CCDC102B: variants seen among roughly 807,000 people sequenced by gnomAD.
The protein encoded by CCDC102B is coiled-coil domain-containing protein 102B.
In CCDC102B, 75 loss-of-function variants were observed where a neutral mutation model predicts 57.4. That is an observed-to-expected ratio of 1.31 (90% CI 1.08 to 1.58). The LOEUF (loss-of-function observed/expected upper bound fraction) is 1.58, where lower values mean the gene tolerates loss of function less well. Ranked by LOEUF, CCDC102B falls within the 40% of genes most tolerant of loss-of-function variation. CCDC102B has a pLI of 0.00. For missense variants in CCDC102B, 636 were observed against 582.6 expected (o/e 1.09, Z -0.94); for synonymous variants, 206 against 201.9 (o/e 1.02, Z -0.17).
intron 1 of CCDC102B, among the ~76,000 whole-genome samples, chr18:68,831,531 A>G (rs1242613565): frequency 6.6e-6 from 1 of 152,150 alleles, no homozygotes; most frequent in Non-Finnish European, 1.5e-5. Flanking sequence ...TAAAATATCT[A>G]AGCTTTAAAT....
intron 5 of CCDC102B, among the ~76,000 whole-genome samples, chr18:68,882,959 G>A (rs1054706415): frequency 1.3e-5 from 2 of 152,122 alleles, no homozygotes; most frequent in Admixed American, 6.5e-5. Flanking sequence ...ACACGTAGAG[G>A]GGAACAACAC....
At chr18:68,924,806 T>C (rs1368524943) in intron 6 of CCDC102B, among the ~76,000 whole-genome samples, 3 of 152,110 alleles carry the variant, frequency 2.0e-5, no homozygotes, top group Admixed American at 2.0e-4. Context: ...AATTATCCTC[T>C]TGATCCCTTT....
At chr18:68,997,108 C>G (rs2051049156) in intron 6 of CCDC102B, among the ~76,000 whole-genome samples, 1 of 152,122 alleles carries the variant, frequency 6.6e-6, no homozygotes, top group Non-Finnish European at 1.5e-5. Flanking sequence ...TGCCTTGCTT[C>G]CCCTTTGCCT....
chr18:69,011,571 A>T (rs1312971488), intron 7 of CCDC102B, among the ~76,000 whole-genome samples: 1 of 151,896 alleles, frequency 6.6e-6, no homozygotes, highest in African/African-American at 2.4e-5. Flanking sequence ...TTTATAGAAT[A>T]TTTTAGAAAT....
chr18:68,834,454 T>TATATATATATATATATATATATATA (rs1568275774), intron 1 of CCDC102B, among the ~76,000 whole-genome samples: 5 of 146,884 alleles, frequency 3.4e-5, no homozygotes, highest in African/African-American at 7.4e-5. Context: ...TATATATATA[T>TATATATATATATATATATATATATA]TTGCTGTGTT....
In CCDC102B at chr18:68,856,922, A is replaced by T. The variant is rs28698770; in HGVS notation, c.936+10501A>T. On this transcript the variant is annotated intron_variant, in intron 4 of 7. Coordinates refer to ENST00000360242, the MANE Select transcript of CCDC102B (RefSeq NM_024781.3). The stretch of plus-strand genomic sequence containing the variant: ...TGCATGAATGCACACATTTATACTC[A>T]CACTTATACAGCATACACACACATA... 9.6e-3 allele frequency among the ~76,000 whole-genome samples: 1,419 copies of T among 147,558 alleles called. 27 individuals are homozygous for T. Among genetic ancestry groups the T allele is most frequent in the African/African-American group, 0.034 (1,344 of 39,940 alleles).
chr18:69,018,051 G>A (rs936069910), intron 7 of CCDC102B, among the ~76,000 whole-genome samples: 1 of 152,032 alleles, frequency 6.6e-6, no homozygotes, highest in African/African-American at 2.4e-5. Flanking sequence ...GTGTGTATGT[G>A]TATGTCACAA....
intron 6 of CCDC102B, among the ~76,000 whole-genome samples, chr18:69,005,818 A>G (rs2051325801): frequency 1.3e-5 from 2 of 151,596 alleles, no homozygotes; most frequent in South Asian, 2.1e-4. Flanking sequence ...GTATATATAT[A>G]TATGCAAACA....
At chr18:68,787,399 A>G (rs2035253805) in intron 2 of CCDC102B, among the ~76,000 whole-genome samples, 1 of 151,284 alleles carries the variant, frequency 6.6e-6, no homozygotes, top group Non-Finnish European at 1.5e-5. Flanking sequence ...TTTCAGAAGG[A>G]ATGGTCCCAG....
At chr18:69,029,131 G>T (rs1262058001) in intron 7 of CCDC102B, among the ~76,000 whole-genome samples, 1 of 152,146 alleles carries the variant, frequency 6.6e-6, no homozygotes, top group African/African-American at 2.4e-5. Context: ...ATGTTGTAAA[G>T]AAAGAGTAAT....
At chr18:69,022,492 A>G (rs1599861609) in intron 7 of CCDC102B, among the ~76,000 whole-genome samples, 1 of 152,080 alleles carries the variant, frequency 6.6e-6, no homozygotes, top group African/African-American at 2.4e-5. Context: ...AGACCTCATT[A>G]TATTAGAAAA....
At chr18:69,007,103 C>A (rs1449113289) in intron 6 of CCDC102B, among the ~76,000 whole-genome samples, 1 of 152,110 alleles carries the variant, frequency 6.6e-6, no homozygotes, top group Non-Finnish European at 1.5e-5. Flanking sequence ...TCACTTTAAG[C>A]TGATATTTTA....
At chr18:68,915,382 C>A (rs2041034344) in intron 6 of CCDC102B, among the ~76,000 whole-genome samples, 1 of 152,110 alleles carries the variant, frequency 6.6e-6, no homozygotes. Context: ...CCTACCTTGC[C>A]TTATGCCAGA....
intron 7 of CCDC102B, among the ~76,000 whole-genome samples, chr18:69,014,978 A>AGAGAGTGTGTGTGTGTGTGTGT (rs139377520): frequency 7.2e-6 from 1 of 139,332 alleles, no homozygotes; most frequent in Non-Finnish European, 1.6e-5. Context: ...AGAGAGAGAG[A>AGAGAGTGTGTGTGTGTGTGTGT]GTGTGTGTGT....
At chr18:69,036,743 A>G (rs1279304439) in intron 7 of CCDC102B, among the ~76,000 whole-genome samples, 2 of 152,066 alleles carry the variant, frequency 1.3e-5, no homozygotes, top group African/African-American at 4.8e-5. Context: ...AATATAGATC[A>G]TATAACTCTT....
chr18:68,936,863 C>T (rs1186914361), intron 6 of CCDC102B, among the ~76,000 whole-genome samples: 4 of 149,550 alleles, frequency 2.7e-5, no homozygotes, highest in East Asian at 3.9e-4. Context: ...TACACATATA[C>T]ACACACACAC....
chr18:68,971,292 G>A (rs936186142), intron 6 of CCDC102B, among the ~76,000 whole-genome samples: 23 of 151,794 alleles, frequency 1.5e-4, no homozygotes, highest in African/African-American at 4.8e-4. Context: ...TATGCAACTG[G>A]TAATTATATA....
chr18:68,932,904 A>C (rs1232175127), intron 6 of CCDC102B, among the ~76,000 whole-genome samples: 1 of 151,854 alleles, frequency 6.6e-6, no homozygotes, highest in Non-Finnish European at 1.5e-5. Context: ...TAATAACACA[A>C]ATAAAATGTA....
chr18:68,975,022 A>C (rs1158720794), intron 6 of CCDC102B, among the ~76,000 whole-genome samples: 1 of 152,034 alleles, frequency 6.6e-6, no homozygotes, highest in Non-Finnish European at 1.5e-5. Context: ...TAAATGCTAC[A>C]AGAAATCCCA....
Sources: allele counts gnomAD v4.1 joint callset (sites outside exome capture counted in the v4.1 genomes callset), GRCh38; gene constraint gnomAD v4.1.1; transcripts MANE v1.5; gene names NCBI Gene and HGNC (gene_info 2026-07-23, HGNC 2026-07-21).